Variants in TMBIM4 observed in about 807,000 individuals in gnomAD.
The protein encoded by TMBIM4 is transmembrane BAX inhibitor motif containing 4.
TMBIM4 carries 28 observed loss-of-function variants against 27.7 expected under a neutral mutation model. The observed-to-expected ratio is 1.01, with a 90% confidence interval of 0.75 to 1.38. TMBIM4 has a LOEUF of 1.38. Among genes scored for constraint, TMBIM4 ranks in the 40% most tolerant of loss-of-function variants. The probability of loss-of-function intolerance (pLI) is 0.00; values close to 1 mark genes in which losing one functional copy is unlikely to be tolerated. For synonymous variants in TMBIM4, 115 were observed against 113.1 expected (o/e 1.02, Z -0.11); for missense variants, 265 against 277.5 (o/e 0.95, Z 0.32).
intron 1 of TMBIM4, among the ~76,000 whole-genome samples, chr12:66,163,442 AG>A (rs2052075747): frequency 6.6e-6 from 1 of 152,148 alleles, no homozygotes; most frequent in Non-Finnish European, 1.5e-5. Flanking sequence ...CAGCGGGGGA[AG>A]GCCTCAGGAA....
intron 1 of TMBIM4, among the ~76,000 whole-genome samples, chr12:66,157,521 C>T (rs2051957361): frequency 6.6e-6 from 1 of 152,126 alleles, no homozygotes; most frequent in Non-Finnish European, 1.5e-5. Context: ...ATTTGTGACA[C>T]AAACAGAATA....
chr12:66,145,646 A>C (rs1015000819), intron 5 of TMBIM4, among the ~76,000 whole-genome samples, 195 bp downstream of exon 5: 1 of 152,042 alleles, frequency 6.6e-6, no homozygotes, highest in Non-Finnish European at 1.5e-5. Context: ...AGAGAAGCAA[A>C]TAAGTCAAAG....
At chr12:66,157,722 G>C (rs1339064088) in intron 1 of TMBIM4, among the ~76,000 whole-genome samples, 2 of 152,038 alleles carry the variant, frequency 1.3e-5, no homozygotes, top group Non-Finnish European at 2.9e-5. Flanking sequence ...AAGGAAAGTG[G>C]GTAAAATTCT....
In TMBIM4 at chr12:66,169,870, C is replaced by T. The variant is rs528454599; in HGVS notation, c.82G>A (p.Val28Met). Reference sequence around the variant, plus strand: ...GACAACGTACCCATTCGGATGTGCACGGTGGCGGAGGCCACGCTGCTGCCA... The same window carrying T: ...GACAACGTACCCATTCGGATGTGCATGGTGGCGGAGGCCACGCTGCTGCCA... ...NYGSSVASAT[V>M]HIRMAFLRKV... is the part of the protein sequence containing the mutation. Residue 28 changes from valine (V) to methionine (M), a missense_variant, in exon 1 of 7, where the codon GTG becomes ATG. Physicochemically the swap from Val to Met is conservative, Grantham distance 21. Coordinates refer to ENST00000358230, the MANE Select transcript of TMBIM4 (RefSeq NM_016056.4). 2.6e-6 allele frequency: 4 copies of T among 1,511,742 alleles called. 1 individual carries two copies. The African/African-American group carries it at 4.3e-5, about 16-fold the overall frequency. The allele number at this position is 1,511,742 out of a possible 1,614,324, so 93.6% of individuals were successfully genotyped here.
intron 1 of TMBIM4, among the ~76,000 whole-genome samples, chr12:66,166,720 T>C (rs542518285): frequency 1.3e-3 from 204 of 152,374 alleles, no homozygotes; most frequent in African/African-American, 4.5e-3. Flanking sequence ...ACAGCCACTT[T>C]GTAAGACAGC....
At chr12:66,139,224 CTTAA>C (rs753215532) in intron 5 of TMBIM4, among the ~76,000 whole-genome samples, 36 of 152,148 alleles carry the variant, frequency 2.4e-4, no homozygotes, top group Non-Finnish European at 5.3e-4. Flanking sequence ...TATTATGGAA[CTTAA>C]TTGATGGACA....
At chr12:66,167,474 A>G (rs929744445) in intron 1 of TMBIM4, among the ~76,000 whole-genome samples, 14 of 152,250 alleles carry the variant, frequency 9.2e-5, no homozygotes, top group African/African-American at 3.4e-4. Context: ...AAATGTATAA[A>G]TGCCCCACAC....
chr12:66,160,708 G>A lies in TMBIM4; in HGVS notation c.98-7260C>T, dbSNP rs556238256. The stretch of plus-strand genomic sequence containing the variant: ...TGTCGAAAATGCAAACTTGGGGAGA[G>A]CAGAAAGATCACACACAAGGCTGTC... On this transcript the variant is annotated intron_variant, in intron 1 of 6. Coordinates refer to ENST00000358230, the MANE Select transcript of TMBIM4 (RefSeq NM_016056.4). Among the ~76,000 whole-genome samples, 5 of 152,300 alleles carry A rather than the reference G, an allele frequency of 3.3e-5. No individual in the cohort carries two copies. In the South Asian group the frequency reaches 1.0e-3, roughly 32 times the overall value.
chr12:66,156,512 T>C (rs2051938886), intron 1 of TMBIM4, among the ~76,000 whole-genome samples: 1 of 152,122 alleles, frequency 6.6e-6, no homozygotes, highest in Non-Finnish European at 1.5e-5. Flanking sequence ...TGGAGGAACC[T>C]TCTGATTGGT....
chr12:66,169,141 C>T (rs1411958567), intron 1 of TMBIM4: 3 of 616,152 alleles, frequency 4.9e-6, no homozygotes, highest in Non-Finnish European at 8.7e-6. Flanking sequence ...GCTGCCTAAA[C>T]AGGCTGAAAG....
chr12:66,152,377 C>T lies in TMBIM4; in HGVS notation c.207-1G>A. On this transcript the variant is annotated splice_acceptor_variant, in intron 2 of 6. Transcript: ENST00000358230. LOFTEE classifies it high-confidence loss of function. ...GGCAAACAGCAAAATTAAGGCAGGA[C>T]TGAAAGACATAATATTAAGTGTTTC... 6.3e-7 allele frequency: 1 copy of T among 1,599,822 alleles called. No individual in the cohort carries two copies. Among genetic ancestry groups the T allele is most frequent in the African/African-American group, 1.3e-5 (1 of 74,574 alleles).
chr12:66,162,825 A>G (rs2052065044), intron 1 of TMBIM4, among the ~76,000 whole-genome samples: 1 of 152,186 alleles, frequency 6.6e-6, no homozygotes, highest in South Asian at 2.1e-4. Flanking sequence ...TTTGTTTTCA[A>G]CAAAACACTC....
intron 5 of TMBIM4, 138 bp downstream of exon 5, chr12:66,145,703 G>C: frequency 5.7e-6 from 3 of 529,140 alleles, no homozygotes; most frequent in Non-Finnish European, 1.0e-5. Context: ...CCTGGCCCTA[G>C]TACTCAAAGA....
intron 1 of TMBIM4, among the ~76,000 whole-genome samples, chr12:66,155,970 T>G (rs1453438995): frequency 1.3e-5 from 2 of 152,190 alleles, no homozygotes; most frequent in Non-Finnish European, 2.9e-5. Flanking sequence ...TTAAAAACAT[T>G]TTAAAGAAAC....
chr12:66,138,778 A>G lies in TMBIM4; in HGVS notation c.465-9T>C, dbSNP rs1024772089. The stretch of plus-strand genomic sequence containing the variant: ...ACAAAAGAGCAAACAGCCTATAAAA[A>G]TACAATTTTAGTAATTTGCAATATT... On this transcript the variant is annotated splice_polypyrimidine_tract_variant and intron_variant, in intron 5 of 6. Coordinates refer to ENST00000358230, the MANE Select transcript of TMBIM4 (RefSeq NM_016056.4). 4 of 1,538,176 alleles carry G rather than the reference A, an allele frequency of 2.6e-6. No homozygotes were observed. Among genetic ancestry groups the G allele is most frequent in the Admixed American group, 2.4e-5 (1 of 42,278 alleles).
chr12:66,145,966 A>C lies in TMBIM4; in HGVS notation c.347-8T>G, dbSNP rs1191098634. On this transcript the variant is annotated splice_region_variant and splice_polypyrimidine_tract_variant and intron_variant, in intron 4 of 6. Coordinates refer to ENST00000358230, the MANE Select transcript of TMBIM4 (RefSeq NM_016056.4). Reference sequence around the variant, plus strand: ...ATACATCATAGAAAGTAACTGTAAAATTAAAACACTGATTAACATGCATAT... The same window carrying C: ...ATACATCATAGAAAGTAACTGTAAACTTAAAACACTGATTAACATGCATAT... The C allele has an allele frequency of 2.1e-6, 3 of 1,416,010 alleles. No individual in the cohort carries two copies. Among genetic ancestry groups the C allele is most frequent in the Non-Finnish European group, 3.0e-6 (3 of 1,013,946 alleles). 87.7% of individuals were successfully genotyped at this position (1,416,010 alleles called of 1,614,324 possible).
At chr12:66,146,046 T>C in intron 4 of TMBIM4, 88 bp from the exon 5 acceptor site, 1 of 655,194 alleles carries the variant, frequency 1.5e-6, no homozygotes, top group Non-Finnish European at 2.7e-6. Context: ...ATGCTTCATT[T>C]TCTCCTGTAC....
chr12:66,156,597 T>C lies in TMBIM4; in HGVS notation c.98-3149A>G, dbSNP rs530944350. Reference sequence around the variant, plus strand: ...AGTGATTTTTATGTAAAGTAAACCATATCATGTGACTCTGCTTAAATACTT... The same window carrying C: ...AGTGATTTTTATGTAAAGTAAACCACATCATGTGACTCTGCTTAAATACTT... On this transcript the variant is annotated intron_variant, in intron 1 of 6. Transcript: ENST00000358230. Among the ~76,000 whole-genome samples, 8 of 152,344 alleles carry C rather than the reference T, an allele frequency of 5.3e-5. No individual in the cohort carries two copies. In the South Asian group the frequency reaches 1.4e-3, roughly 28 times the overall value.
intron 5 of TMBIM4, among the ~76,000 whole-genome samples, chr12:66,140,640 G>A (rs2051653663): frequency 6.6e-6 from 1 of 152,106 alleles, no homozygotes. Context: ...AGTGGTGTGT[G>A]CCTGTAATCC....
Sources: allele counts gnomAD v4.1 joint callset (sites outside exome capture counted in the v4.1 genomes callset), GRCh38; gene constraint gnomAD v4.1.1; transcripts MANE v1.5; gene names NCBI Gene and HGNC (gene_info 2026-07-23, HGNC 2026-07-21).